Variants in RORA observed in about 807,000 individuals in gnomAD.
RORA encodes the protein nuclear receptor ROR-alpha.
RORA carries 7 observed loss-of-function variants against 69.5 expected under a neutral mutation model. That is an observed-to-expected ratio of 0.10 (90% CI 0.06 to 0.19). The LOEUF (loss-of-function observed/expected upper bound fraction) is 0.19, where lower values mean the gene tolerates loss of function less well. Among genes scored for constraint, RORA ranks in the 10% least tolerant of loss-of-function variants. RORA has a pLI of 1.00. For missense variants in RORA, 457 were observed against 663.0 expected, an observed-to-expected ratio of 0.69 and a Z score of 3.41; for synonymous variants, 261 against 240.8, an observed-to-expected ratio of 1.08 and a Z score of -0.78.
chr15:60,875,030 A>G (rs1356723857), intron 1 of RORA, among the ~76,000 whole-genome samples: 2 of 152,158 alleles, frequency 1.3e-5, no homozygotes, highest in South Asian at 4.1e-4. Flanking sequence ...AATAACAACA[A>G]TAATGGTAAC....
At chr15:60,673,574 AT>A (rs2070507768) in intron 2 of RORA, among the ~76,000 whole-genome samples, 1 of 152,120 alleles carries the variant, frequency 6.6e-6, no homozygotes, top group Non-Finnish European at 1.5e-5. Flanking sequence ...TTGCTATTTT[AT>A]GCTTGGATCA....
intron 1 of RORA, among the ~76,000 whole-genome samples, chr15:60,903,777 G>A (rs529935662): frequency 2.6e-5 from 4 of 152,204 alleles, no homozygotes; most frequent in Admixed American, 1.3e-4. Context: ...ATCGGAGGTC[G>A]GTCTCTACAA....
chr15:60,982,204 C>G (rs1462580475), intron 1 of RORA, among the ~76,000 whole-genome samples: 1 of 152,226 alleles, frequency 6.6e-6, no homozygotes, highest in African/African-American at 2.4e-5. Context: ...CAGTTTACTA[C>G]TCAGCCTTTG....
intron 1 of RORA, among the ~76,000 whole-genome samples, chr15:61,040,370 T>C (rs1315851353): frequency 6.6e-6 from 1 of 151,762 alleles, no homozygotes; most frequent in East Asian, 1.9e-4. Context: ...AGCTTTCACA[T>C]GAAATGCTTG....
chr15:61,146,867 A>G (rs1375700972), intron 1 of RORA, among the ~76,000 whole-genome samples: 4 of 152,058 alleles, frequency 2.6e-5, no homozygotes, highest in African/African-American at 9.7e-5. Flanking sequence ...GGGCAGACAC[A>G]CAGAGCTAGA....
At chr15:60,733,908 T>C (rs1305565220) in intron 1 of RORA, among the ~76,000 whole-genome samples, 3 of 94,190 alleles carry the variant, frequency 3.2e-5, no homozygotes, top group Non-Finnish European at 4.3e-5. Flanking sequence ...GCGGTTAGAA[T>C]AGGGGCAGAG....
chr15:61,053,388 C>T (rs374629057), intron 1 of RORA, among the ~76,000 whole-genome samples: 16 of 152,178 alleles, frequency 1.1e-4, no homozygotes, highest in African/African-American at 3.6e-4. Flanking sequence ...TTGTCTCTGC[C>T]GCCTGCCTGT....
At position 60,954,968 on chromosome 15, in the gene RORA, C is replaced by A. The variant is rs563997799; in HGVS notation, c.166+274085G>T. Among the ~76,000 whole-genome samples, 214 of 152,228 alleles carry A rather than the reference C, an allele frequency of 1.4e-3. 4 individuals are homozygous for A. The highest frequency in any genetic ancestry group is 4.6e-4 in the Non-Finnish European group (31 of 68,002). On this transcript the variant is annotated intron_variant, in intron 1 of 10. Coordinates refer to ENST00000335670, the MANE Select transcript of RORA (RefSeq NM_134261.3). ...GGCATTTTTCTCCAGTTATGTGTTGCTTTGACTTACCACATTAACATGGGT... is the reference window on the plus strand; with the variant it reads ...GGCATTTTTCTCCAGTTATGTGTTGATTTGACTTACCACATTAACATGGGT...
At chr15:60,693,324 C>G (rs2070856152) in intron 1 of RORA, among the ~76,000 whole-genome samples, 2 of 152,150 alleles carry the variant, frequency 1.3e-5, no homozygotes, top group African/African-American at 4.8e-5. Context: ...CCATTTATGA[C>G]AAACCCACAG....
chr15:60,529,657 T>A (rs1308839850), intron 3 of RORA: 1 of 152,198 alleles, frequency 6.6e-6, no homozygotes, highest in Non-Finnish European at 1.5e-5. Context: ...GAATAATAGA[T>A]ACCTTTTGTT....
chr15:61,059,914 G>GAAGAAGAAGAAGAAGAAC (rs2078149211), intron 1 of RORA, among the ~76,000 whole-genome samples: 1 of 134,332 alleles, frequency 7.4e-6, no homozygotes, highest in African/African-American at 2.7e-5. Context: ...ACACGAAGAA[G>GAAGAAGAAGAAGAAGAAC]AAGAAGAAGA....
At position 60,661,805 on chromosome 15, in the gene RORA, T is replaced by G. The variant is rs527248881; in HGVS notation, c.196+16852A>C. On this transcript the variant is annotated intron_variant, in intron 2 of 10. Transcript: ENST00000335670. Reference sequence around the variant, plus strand: ...GCACCTGTGAAACTAGCAGCCCTTGTCCAGAACTACCTGGTATCTCAAGCT... The same window carrying G: ...GCACCTGTGAAACTAGCAGCCCTTGGCCAGAACTACCTGGTATCTCAAGCT... 6.6e-5 allele frequency among the ~76,000 whole-genome samples: 10 copies of G among 152,314 alleles called. No homozygotes were observed. In the South Asian group the frequency reaches 1.0e-3, roughly 16 times the overall value.
intron 1 of RORA, among the ~76,000 whole-genome samples, chr15:61,078,899 T>C (rs1418667726): frequency 6.6e-6 from 1 of 152,154 alleles, no homozygotes; most frequent in Non-Finnish European, 1.5e-5. Flanking sequence ...AATATACTAT[T>C]TCTAAACTTT....
chr15:60,645,963 C>A (rs1367921567), intron 2 of RORA, among the ~76,000 whole-genome samples: 1 of 152,108 alleles, frequency 6.6e-6, no homozygotes, highest in Admixed American at 6.5e-5. Context: ...AGCAGAAATT[C>A]CGCACCATAT....
At chr15:61,001,462 C>T (rs1894742950) in intron 1 of RORA, among the ~76,000 whole-genome samples, 1 of 152,196 alleles carries the variant, frequency 6.6e-6, no homozygotes, top group African/African-American at 2.4e-5. Flanking sequence ...GGCTAGTTTC[C>T]TTGAAATAGA....
intron 1 of RORA, among the ~76,000 whole-genome samples, chr15:60,815,992 A>G (rs1017079966): frequency 8.2e-6 from 1 of 121,890 alleles, no homozygotes; most frequent in African/African-American, 3.0e-5. Context: ...AATAGTATAT[A>G]TATACTATAA....
At chr15:60,599,176 G>A (rs939220245) in intron 2 of RORA, among the ~76,000 whole-genome samples, 2 of 152,220 alleles carry the variant, frequency 1.3e-5, no homozygotes, top group Admixed American at 6.5e-5. Flanking sequence ...GGATATTTGA[G>A]CTAGACCTTG....
intron 1 of RORA, among the ~76,000 whole-genome samples, chr15:61,051,328 C>T (rs183821271): frequency 6.6e-6 from 1 of 152,112 alleles, no homozygotes. Context: ...CTACCCCTAT[C>T]CCCACTCCCC....
chr15:60,884,350 A>T (rs1595791010), intron 1 of RORA, among the ~76,000 whole-genome samples: 1 of 151,840 alleles, frequency 6.6e-6, no homozygotes, highest in Non-Finnish European at 1.5e-5. Context: ...TTTTTTTTCA[A>T]AAGTGCCTCT....
Sources: gnomAD v4.1 joint callset for allele counts (sites outside exome capture counted in the v4.1 genomes callset) on GRCh38, gnomAD v4.1.1 for gene constraint, MANE v1.5 for transcripts, NCBI Gene and HGNC (gene_info 2026-07-23, HGNC 2026-07-21) for gene names.